The following PRDM10 variants were observed in gnomAD, a reference collection of about 807,000 sequenced individuals.
PRDM10 encodes the protein PR domain zinc finger protein 10.
In PRDM10, 65 loss-of-function variants were observed where a neutral mutation model predicts 133.1. That is an observed-to-expected ratio of 0.49 (90% CI 0.40 to 0.60). The LOEUF is 0.60. Ranked by LOEUF, PRDM10 falls within the 20% of genes least tolerant of loss-of-function variation. The pLI, the probability that PRDM10 is intolerant of heterozygous loss-of-function variation, is 0.00. For synonymous variants in PRDM10, 582 were observed against 580.4 expected, an observed-to-expected ratio of 1.00 and a Z score of -0.04; for missense variants, 1,137 against 1,507.1, an observed-to-expected ratio of 0.75 and a Z score of 4.07.
intron 9 of PRDM10, among the ~76,000 whole-genome samples, chr11:129,934,033 T>C (rs189086458): frequency 3.3e-5 from 5 of 152,316 alleles, no homozygotes; most frequent in East Asian, 1.9e-4. Context: ...TCTCCCCTTC[T>C]TCCACAGCAT....
intron 1 of PRDM10, among the ~76,000 whole-genome samples, chr11:129,986,508 A>G (rs1938446541): frequency 6.6e-6 from 1 of 152,046 alleles, no homozygotes; most frequent in Admixed American, 6.6e-5. Flanking sequence ...AACCTCAGAA[A>G]CACGAGTAGC....
chr11:129,978,273 G>A (rs867828341), intron 1 of PRDM10, among the ~76,000 whole-genome samples: 3 of 152,132 alleles, frequency 2.0e-5, no homozygotes, highest in Non-Finnish European at 2.9e-5. Context: ...GAAGCTCCAA[G>A]GCACAGGACT....
intron 14 of PRDM10, among the ~76,000 whole-genome samples, chr11:129,917,598 C>G (rs1244758877): frequency 6.6e-6 from 1 of 152,166 alleles, no homozygotes; most frequent in Non-Finnish European, 1.5e-5. Context: ...TATTTAATGC[C>G]CTAGTCTTAC....
In PRDM10 at chr11:129,959,925, C is replaced by CT. The variant is rs112833018; in HGVS notation, c.69+970dup. Among the ~76,000 whole-genome samples the CT allele has an allele frequency of 2.7e-3, 367 of 138,292 alleles. 1 individual carries two copies. The highest frequency in any genetic ancestry group is 4.3e-3 in the East Asian group (21 of 4,836). 90.7% of individuals were successfully genotyped at this position (138,292 alleles called of 152,430 possible). ...GCACCACCATGTCCGGCTAATTTTT[C>CT]TTTTTTTTTTTTTTTGGTAGAGTCA... On this transcript the variant is annotated intron_variant, in intron 2 of 20. Coordinates refer to ENST00000360871, the MANE Select transcript of PRDM10 (RefSeq NM_199437.2).
In PRDM10 at chr11:129,955,542, A is replaced by G; in HGVS notation, c.264T>C (p.Ala88=). Residue 88 remains alanine, a synonymous_variant, in exon 4 of 21, where the codon GCT becomes GCC. Transcript: ENST00000360871. ...QTLFTDPGQV[A]YVQQDATAQQ... ...GAGCTGTAGCATCCTGTTGGACATAAGCTACCTGGCCGGGGTCTGTAAACA... is the reference window on the plus strand; with the variant it reads ...GAGCTGTAGCATCCTGTTGGACATAGGCTACCTGGCCGGGGTCTGTAAACA... The G allele has an allele frequency of 1.9e-6, 3 of 1,614,086 alleles. No homozygotes were observed. Among genetic ancestry groups the G allele is most frequent in the Non-Finnish European group, 2.5e-6 (3 of 1,179,986 alleles).
chr11:129,946,222 C>T (rs1311746839), intron 5 of PRDM10, among the ~76,000 whole-genome samples: 1 of 151,764 alleles, frequency 6.6e-6, no homozygotes, highest in Non-Finnish European at 1.5e-5. Context: ...TGCACTCCAG[C>T]TTGGGAGACA....
At chr11:129,929,325 G>T in intron 11 of PRDM10, 1 of 1,324,992 alleles carries the variant, frequency 7.5e-7, no homozygotes, top group Non-Finnish European at 1.0e-6. Flanking sequence ...TTTCCACCAG[G>T]ATTTAGTAAG....
chr11:129,906,553 C>A (rs1950021971), intron 19 of PRDM10, among the ~76,000 whole-genome samples: 1 of 152,156 alleles, frequency 6.6e-6, no homozygotes, highest in South Asian at 2.1e-4. Context: ...AACTGGTAAA[C>A]AAAGGAAATG....
intron 11 of PRDM10, 28 bp from the exon 12 acceptor site, chr11:129,925,257 T>A: frequency 6.4e-7 from 1 of 1,561,204 alleles, no homozygotes. Flanking sequence ...ATGTGATCAT[T>A]TAGTGATGAA....
intron 6 of PRDM10, among the ~76,000 whole-genome samples, chr11:129,944,452 G>T (rs1003478826): frequency 2.6e-5 from 4 of 152,124 alleles, no homozygotes; most frequent in Admixed American, 1.3e-4. Context: ...GGGCGTGGTG[G>T]CGGGCGCCTG....
chr11:129,903,123 C>A (rs758185285), intron 20 of PRDM10, among the ~76,000 whole-genome samples: 86 of 151,986 alleles, frequency 5.7e-4, no homozygotes, highest in Admixed American at 1.3e-3. Flanking sequence ...GAAGAAACTC[C>A]GTCTCTACTA....
chr11:129,972,938 C>T (rs1256744523), intron 1 of PRDM10, among the ~76,000 whole-genome samples: 1 of 152,168 alleles, frequency 6.6e-6, no homozygotes, highest in South Asian at 2.1e-4. Flanking sequence ...AAACCCAGGC[C>T]TTTGAAGGTG....
chr11:129,931,848 A>G (rs557096419), intron 10 of PRDM10, among the ~76,000 whole-genome samples: 53 of 152,296 alleles, frequency 3.5e-4, no homozygotes, highest in South Asian at 2.5e-3. Flanking sequence ...GATTACAGGC[A>G]TGAGCCACTG....
At chr11:129,963,450 A>G (rs1172046193) in intron 1 of PRDM10, among the ~76,000 whole-genome samples, 4 of 150,318 alleles carry the variant, frequency 2.7e-5, no homozygotes, top group Admixed American at 6.6e-5. Flanking sequence ...AGAAGAGAAG[A>G]GAAGAAGTCA....
rs1939235569 is a variant in PRDM10, at chr11:129,999,615, TAC to T, written c.-119+3105_-119+3106del. ...AACAGGATGTTTAACAGTTTCTTTT[TAC>T]CAGATATAATTACGCGGTTACGAGG... On this transcript the variant is annotated intron_variant, in intron 1 of 20. Transcript: ENST00000360871. Among the ~76,000 whole-genome samples the T allele has an allele frequency of 5.3e-5, 8 of 152,324 alleles. No homozygotes were observed. In the South Asian group the frequency reaches 1.7e-3, roughly 32 times the overall value.
In PRDM10 at chr11:129,912,157, G is replaced by A. The variant is rs1950206342; in HGVS notation, c.2910C>T (p.Tyr970=). Residue 970 remains tyrosine, a synonymous_variant, in exon 18 of 21, where the codon TAC becomes TAT. Transcript: ENST00000360871. ...GCTGCACCTGGATGGCGTGCTGGGG[G>A]TAGGGCTGAGGATCATGGAGCTGGC... ...DVGQLHDPQP[Y]PQHAIQVQHI... 6.2e-7 allele frequency: 1 copy of A among 1,612,792 alleles called. No homozygotes were observed. Among genetic ancestry groups the A allele is most frequent in the South Asian group, 1.1e-5 (1 of 90,932 alleles).
chr11:129,990,330 AG>A (rs367954900), intron 1 of PRDM10, among the ~76,000 whole-genome samples: 4 of 151,756 alleles, frequency 2.6e-5, no homozygotes, highest in Non-Finnish European at 5.9e-5. Flanking sequence ...TGGGTGACAG[AG>A]CGAGACTCCA....
Position 129,947,011 on chromosome 11 carries a change from A to G in PRDM10, c.520+134T>C. The G allele has an allele frequency of 8.0e-7, 1 of 1,242,682 alleles. No homozygotes were observed. The highest frequency in any genetic ancestry group is 1.1e-6 in the Non-Finnish European group (1 of 895,352). The allele number at this position is 1,242,682 out of a possible 1,614,324, so 77.0% of individuals were successfully genotyped here. On this transcript the variant is annotated intron_variant, in intron 5 of 20. Coordinates refer to ENST00000360871, the MANE Select transcript of PRDM10 (RefSeq NM_199437.2). This position sits in a 1 kb window ranked among gnomAD's most constrained non-coding sequence, Gnocchi z 4.6. Reference sequence around the variant, plus strand: ...AGTGAAGGCCAGGTGGGATGAAGCAAGCAGAGAATGTAGCACAGTTGGCTG... The same window carrying G: ...AGTGAAGGCCAGGTGGGATGAAGCAGGCAGAGAATGTAGCACAGTTGGCTG...
intron 18 of PRDM10, among the ~76,000 whole-genome samples, chr11:129,911,302 T>C (rs1565451185): frequency 6.6e-6 from 1 of 152,202 alleles, no homozygotes. Flanking sequence ...GTCACAAAGC[T>C]AATCTGGAAC....
Sources: gnomAD v4.1 joint callset for allele counts (sites outside exome capture counted in the v4.1 genomes callset) on GRCh38, gnomAD v4.1.1 for gene constraint, Gnocchi (gnomAD v3.1) non-coding constraint, MANE v1.5 for transcripts, NCBI Gene and HGNC (gene_info 2026-07-23, HGNC 2026-07-21) for gene names.